The following C2CD2 variants were observed in gnomAD, a reference collection of about 807,000 sequenced individuals.
C2CD2 encodes the protein C2 calcium dependent domain containing 2.
A neutral mutation model predicts 74.3 loss-of-function variants in C2CD2; 43 were observed. That is an observed-to-expected ratio of 0.58 (90% confidence interval 0.45 to 0.75). The LOEUF (loss-of-function observed/expected upper bound fraction) is 0.75. Ranked by LOEUF, C2CD2 falls within the 30% of genes least tolerant of loss-of-function variation. The pLI, the probability that C2CD2 is intolerant of heterozygous loss-of-function variation, is 0.00. For synonymous variants in C2CD2, 422 were observed against 390.7 expected, an observed-to-expected ratio of 1.08 and a Z score of -0.94; for missense variants, 801 against 916.3, an observed-to-expected ratio of 0.87 and a Z score of 1.63.
At chr21:41,921,268 C>T (rs1445244016) in intron 3 of C2CD2, among the ~76,000 whole-genome samples, 1 of 152,140 alleles carries the variant, frequency 6.6e-6, no homozygotes, top group Non-Finnish European at 1.5e-5. Context: ...CTGGCAGTGA[C>T]CCTCGAAACA....
chr21:41,928,260 G>C (rs1408553721), intron 2 of C2CD2, among the ~76,000 whole-genome samples: 1 of 152,154 alleles, frequency 6.6e-6, no homozygotes, highest in African/African-American at 2.4e-5. Context: ...GGCCACCACA[G>C]GTCTTTCACT....
Position 41,914,737 on chromosome 21 carries a change from G to C in C2CD2, c.721-16C>G. 1.9e-6 allele frequency: 3 copies of C among 1,609,550 alleles called. No individual in the cohort carries two copies. The South Asian group carries it at 3.3e-5, about 18-fold the overall frequency. ...ACTGTAAGTTCTGAAAAAATAAAGAGCACTTTATTTTTGGTCTTCATGGGG... is the reference window on the plus strand; with the variant it reads ...ACTGTAAGTTCTGAAAAAATAAAGACCACTTTATTTTTGGTCTTCATGGGG... On this transcript the variant is annotated splice_polypyrimidine_tract_variant and intron_variant, in intron 5 of 13. Transcript: ENST00000380486.
intron 11 of C2CD2, 130 bp from the exon 12 acceptor site, chr21:41,901,879 A>ATTGTTTAGGCT: frequency 1.3e-6 from 1 of 787,820 alleles, no homozygotes; most frequent in Non-Finnish European, 2.1e-6. Context: ...CAAAGGGTCA[A>ATTGTTTAGGCT]TTGTTTAGGC....
At chr21:41,914,190 C>T (rs889631385) in intron 6 of C2CD2, among the ~76,000 whole-genome samples, 8 of 151,570 alleles carry the variant, frequency 5.3e-5, no homozygotes, top group African/African-American at 1.9e-4. Flanking sequence ...CGTGCCATTG[C>T]ACTTCAGCCT....
intron 1 of C2CD2, among the ~76,000 whole-genome samples, chr21:41,948,806 T>A (rs2065423541): frequency 6.8e-6 from 1 of 147,992 alleles, no homozygotes; most frequent in Admixed American, 7.0e-5. Context: ...TGTTTACTTT[T>A]TAAATGCAGA....
intron 1 of C2CD2, among the ~76,000 whole-genome samples, chr21:41,948,581 G>A (rs1445524407): frequency 6.6e-6 from 1 of 152,212 alleles, no homozygotes; most frequent in Non-Finnish European, 1.5e-5. Flanking sequence ...GGTCACGGTG[G>A]AGGGTGCAGG....
At chr21:41,933,867 C>A (rs1293757936) in intron 2 of C2CD2, among the ~76,000 whole-genome samples, 1 of 152,204 alleles carries the variant, frequency 6.6e-6, no homozygotes, top group Non-Finnish European at 1.5e-5. Context: ...AAGGCAGTGG[C>A]AAGGGCTCCT....
intron 8 of C2CD2, among the ~76,000 whole-genome samples, 162 bp downstream of exon 8, chr21:41,909,296 CA>C (rs1180522645): frequency 1.3e-5 from 2 of 152,176 alleles, no homozygotes; most frequent in East Asian, 3.8e-4. Flanking sequence ...GTTAATAACT[CA>C]AATTGCCTTT....
Position 41,895,165 on chromosome 21 carries a change from G to A in C2CD2, c.1870+3888C>T. On this transcript the variant is annotated intron_variant, in intron 13 of 13. Transcript: ENST00000380486. The surrounding 1 kb of genome is among the most constrained non-coding windows in gnomAD (Gnocchi z 5.0). ...GAGCAAACACTGGTTTTCCAGGGAG[G>A]AGGAAATTCTGCCTCAAGAATGAAG... The A allele has an allele frequency of 5.7e-6, 2 of 350,036 alleles. No homozygotes were observed. Among genetic ancestry groups the A allele is most frequent in the Non-Finnish European group, 1.1e-5 (2 of 175,956 alleles). 21.7% of individuals were successfully genotyped at this position (350,036 alleles called of 1,614,324 possible). A position where few individuals can be genotyped will look rare whatever the true frequency, so the allele number is the denominator to read the frequency against.
In C2CD2 at chr21:41,912,366, T is replaced by G; in HGVS notation, c.919A>C (p.Thr307Pro). 6.2e-7 allele frequency: 1 copy of G among 1,612,102 alleles called. No homozygotes were observed. The highest frequency in any genetic ancestry group is 2.2e-5 in the East Asian group (1 of 44,890). Residue 307 changes from threonine to proline, a missense_variant, in exon 7 of 14, where the codon ACT (threonine) becomes CCT (proline). Thr to Pro is a conservative substitution (Grantham distance 38). Coordinates refer to ENST00000380486, the MANE Select transcript of C2CD2 (RefSeq NM_015500.2). ...QRFSSTLTKN[T>P]PDLMWEEEFT... ...TCCTCTTCCCACATGAGGTCCGGAG[T>G]GTTTTTCGTCAGGGTGCTGGAGAAC...
chr21:41,898,982 A>C, intron 13 of C2CD2, 71 bp downstream of exon 13: 1 of 1,178,242 alleles, frequency 8.5e-7, no homozygotes, highest in Non-Finnish European at 1.2e-6. Context: ...AGATGACTTC[A>C]GCTTGGAAGC....
intron 10 of C2CD2, among the ~76,000 whole-genome samples, chr21:41,906,494 T>C (rs916222693): frequency 2.6e-5 from 4 of 152,158 alleles, no homozygotes; most frequent in Non-Finnish European, 5.9e-5. Flanking sequence ...GCCTCCAGAG[T>C]GGCTAGGACT....
chr21:41,925,002 G>A (rs2065194348), intron 2 of C2CD2, among the ~76,000 whole-genome samples: 1 of 152,124 alleles, frequency 6.6e-6, no homozygotes, highest in Non-Finnish European at 1.5e-5. Flanking sequence ...AGTAATCACT[G>A]AAGCCCCATC....
rs1196351588 is a variant in C2CD2 at position 41,933,018 on chromosome 21, G to A, written c.378+9129C>T. Reference sequence around the variant, plus strand: ...GGGGAGCTCAGGCCAGCCAGTCCTCGGCCTTATCCTTCCGATCAGAGATGG... The same window carrying A: ...GGGGAGCTCAGGCCAGCCAGTCCTCAGCCTTATCCTTCCGATCAGAGATGG... On this transcript the variant is annotated intron_variant, in intron 2 of 13. Transcript: ENST00000380486. 4.0e-5 allele frequency among the ~76,000 whole-genome samples: 6 copies of A among 150,192 alleles called. No individual in the cohort carries two copies. In the South Asian group the frequency reaches 8.5e-4, roughly 21 times the overall value.
rs2064712734 is a variant in C2CD2 at position 41,888,815 on chromosome 21, T to C, written c.*309A>G. On this transcript the variant is annotated 3_prime_UTR_variant, in exon 14 of 14. Coordinates refer to ENST00000380486, the MANE Select transcript of C2CD2 (RefSeq NM_015500.2). ...CTCCACAATCTATTAGAGCATATTA[T>C]TTCACTTATAATGTTAATCTCCTTC... 2 of 412,256 alleles carry C rather than the reference T, an allele frequency of 4.9e-6. No homozygotes were observed. Among genetic ancestry groups the C allele is most frequent in the Admixed American group, 7.3e-5 (2 of 27,238 alleles). The allele number at this position is 412,256 out of a possible 1,614,324, so 25.5% of individuals were successfully genotyped here.
In C2CD2 at chr21:41,931,426, C is replaced by CTT. The variant is rs34326295; in HGVS notation, c.379-9343_379-9342dup. Among the ~76,000 whole-genome samples the CTT allele has an allele frequency of 3.8e-3, 510 of 135,856 alleles. 17 individuals are homozygous for CTT. Among genetic ancestry groups the CTT allele is most frequent in the African/African-American group, 4.1e-3 (154 of 38,016 alleles). The allele number at this position is 135,856 out of a possible 152,430, so 89.1% of individuals were successfully genotyped here. ...TAAGAGCGTCTTTTGAGAAGAGTGT[C>CTT]TTTTTTTTTTTTTTTGAGACGGAGT... On this transcript the variant is annotated intron_variant, in intron 2 of 13. Coordinates refer to ENST00000380486, the MANE Select transcript of C2CD2 (RefSeq NM_015500.2).
chr21:41,927,006 T>C (rs983803549), intron 2 of C2CD2, among the ~76,000 whole-genome samples: 5 of 152,152 alleles, frequency 3.3e-5, no homozygotes, highest in African/African-American at 1.2e-4. Context: ...TCTGTAAATA[T>C]CCTTTAAGAC....
At chr21:41,948,655 C>G (rs2065422303) in intron 1 of C2CD2, among the ~76,000 whole-genome samples, 1 of 152,062 alleles carries the variant, frequency 6.6e-6, no homozygotes, top group Non-Finnish European at 1.5e-5. Context: ...CTCCATGGTC[C>G]TTCCCCACAG....
chr21:41,942,687 T>C (rs2146227585), intron 1 of C2CD2, among the ~76,000 whole-genome samples: 1 of 152,308 alleles, frequency 6.6e-6, no homozygotes, highest in Admixed American at 6.5e-5. Context: ...GGGACAGTCC[T>C]CTATTCTGGT....
Sources: gnomAD v4.1 joint callset for allele counts (sites outside exome capture counted in the v4.1 genomes callset) on GRCh38, gnomAD v4.1.1 for gene constraint, Gnocchi (gnomAD v3.1) non-coding constraint, MANE v1.5 for transcripts, NCBI Gene and HGNC (gene_info 2026-07-23, HGNC 2026-07-21) for gene names.